Variants in MAGI2 observed in about 807,000 individuals in gnomAD.
MAGI2 encodes the protein membrane-associated guanylate kinase, WW and PDZ domain-containing protein 2.
Under a neutral mutation model 133.3 loss-of-function variants are expected in MAGI2, and 35 were observed. The ratio of observed to expected loss-of-function variants is 0.26; its 90% CI spans 0.20 to 0.35. MAGI2 has a LOEUF of 0.35. Among genes scored for constraint, MAGI2 ranks in the 10% least tolerant of loss-of-function variants. The pLI, the probability that MAGI2 is intolerant of heterozygous loss-of-function variation, is 1.00. For synonymous variants in MAGI2, 729 were observed against 710.6 expected (o/e 1.03, Z -0.41); for missense variants, 1,636 against 1,863.4 (o/e 0.88, Z 2.25).
intron 1 of MAGI2, among the ~76,000 whole-genome samples, chr7:79,376,693 G>A (rs558736268): frequency 2.0e-3 from 299 of 151,926 alleles, no homozygotes; most frequent in Middle Eastern, 0.01. Flanking sequence ...AGTACAGCCC[G>A]AAATTTTAAA....
At chr7:78,646,996 G>A (rs1257353382) in intron 2 of MAGI2, among the ~76,000 whole-genome samples, 1 of 152,156 alleles carries the variant, frequency 6.6e-6, no homozygotes, top group Non-Finnish European at 1.5e-5. Context: ...GCCTTGGTGG[G>A]TGGGTGACAG....
chr7:78,658,359 G>C (rs1812535549), intron 2 of MAGI2, among the ~76,000 whole-genome samples: 2 of 152,180 alleles, frequency 1.3e-5, no homozygotes, highest in Admixed American at 1.3e-4. Flanking sequence ...GGACTTAAAT[G>C]TAAAATGTAA....
At chr7:78,912,636 C>A (rs1160866484) in intron 2 of MAGI2, among the ~76,000 whole-genome samples, 1 of 151,750 alleles carries the variant, frequency 6.6e-6, no homozygotes, top group Admixed American at 6.6e-5. Context: ...TGAAACCAGA[C>A]TTTCCTTGCT....
At chr7:78,864,967 G>T (rs573192498) in intron 2 of MAGI2, among the ~76,000 whole-genome samples, 1 of 152,096 alleles carries the variant, frequency 6.6e-6, no homozygotes, top group Non-Finnish European at 1.5e-5. Flanking sequence ...CCAGGAACGC[G>T]CAACTAGTTC....
intron 3 of MAGI2, among the ~76,000 whole-genome samples, chr7:78,553,432 G>T (rs905051171): frequency 6.6e-6 from 1 of 152,214 alleles, no homozygotes; most frequent in African/African-American, 2.4e-5. Context: ...TAAGGTAAAT[G>T]TAACTGTCCT....
intron 3 of MAGI2, among the ~76,000 whole-genome samples, chr7:78,606,222 A>C (rs1246940019): frequency 2.0e-5 from 3 of 152,122 alleles, no homozygotes; most frequent in African/African-American, 7.2e-5. Flanking sequence ...TTTTTTTAAA[A>C]GGTCAATCCA....
chr7:78,044,418 G>A (rs1001165564), intron 21 of MAGI2, among the ~76,000 whole-genome samples: 3 of 152,246 alleles, frequency 2.0e-5, no homozygotes, highest in South Asian at 4.1e-4. Context: ...CACCCACGAT[G>A]GCATTAACAC....
At chr7:78,894,325 C>A (rs1283493068) in intron 2 of MAGI2, among the ~76,000 whole-genome samples, 1 of 152,146 alleles carries the variant, frequency 6.6e-6, no homozygotes, top group African/African-American at 2.4e-5. Context: ...TGGCGTGAAC[C>A]CGGGTGGCAG....
intron 13 of MAGI2, among the ~76,000 whole-genome samples, chr7:78,180,778 A>G (rs903568308): frequency 6.6e-6 from 1 of 152,148 alleles, no homozygotes; most frequent in African/African-American, 2.4e-5. Context: ...GACCCCTTAG[A>G]GAAGAATGCT....
chr7:79,078,352 A>G (rs945907998), intron 1 of MAGI2, among the ~76,000 whole-genome samples: 2 of 152,196 alleles, frequency 1.3e-5, no homozygotes, highest in Non-Finnish European at 2.9e-5. Context: ...GTTAGGAAGA[A>G]AAAATGGAAA....
At chr7:78,610,511 T>C (rs901181666) in intron 3 of MAGI2, among the ~76,000 whole-genome samples, 1 of 152,224 alleles carries the variant, frequency 6.6e-6, no homozygotes, top group African/African-American at 2.4e-5. Flanking sequence ...ACATGAGTCC[T>C]GGGGAGATGT....
chr7:79,414,544 A>G (rs1413727061), intron 1 of MAGI2: 1 of 152,108 alleles, frequency 6.6e-6, no homozygotes, highest in Non-Finnish European at 1.5e-5. Flanking sequence ...GAAACCTTCC[A>G]GCCATTTTGC....
At chr7:79,445,262 CTTCATGT>C (rs1453859309) in intron 1 of MAGI2, among the ~76,000 whole-genome samples, 15 of 152,144 alleles carry the variant, frequency 9.9e-5, no homozygotes, top group African/African-American at 3.4e-4. Context: ...GGGGCAAGGA[CTTCATGT>C]CTAAAACACC....
At chr7:78,129,078 T>C (rs562550080) in intron 18 of MAGI2, among the ~76,000 whole-genome samples, 30 of 152,318 alleles carry the variant, frequency 2.0e-4, no homozygotes, top group African/African-American at 7.2e-4. Flanking sequence ...ATTTCCATGA[T>C]CTGTATGGTA....
intron 20 of MAGI2, among the ~76,000 whole-genome samples, chr7:78,091,072 G>GTGTT (rs1310584443): frequency 6.6e-6 from 1 of 151,196 alleles, no homozygotes; most frequent in Admixed American, 6.6e-5. Flanking sequence ...GTGTGTGTGT[G>GTGTT]TGTGTGATAA....
chr7:79,303,047 A>C (rs1405963227), intron 1 of MAGI2, among the ~76,000 whole-genome samples: 3 of 152,316 alleles, frequency 2.0e-5, no homozygotes, highest in African/African-American at 7.2e-5. Context: ...TAAATCCCAA[A>C]CTTAGCAAAG....
intron 1 of MAGI2, chr7:79,012,281 C>T (rs1182461960): frequency 6.6e-6 from 1 of 152,094 alleles, no homozygotes; most frequent in African/African-American, 2.4e-5. Context: ...ATAAGAATGC[C>T]TTCCCTTTGC....
chr7:78,767,332 C>A (rs1301607573), intron 2 of MAGI2, among the ~76,000 whole-genome samples: 1 of 150,688 alleles, frequency 6.6e-6, no homozygotes, highest in Non-Finnish European at 1.5e-5. Flanking sequence ...CTAATGCAGT[C>A]AAAAAGGCAA....
At chr7:78,250,880 C>T (rs1321248348) in intron 10 of MAGI2, among the ~76,000 whole-genome samples, 1 of 152,042 alleles carries the variant, frequency 6.6e-6, no homozygotes, top group Non-Finnish European at 1.5e-5. Context: ...CTTTCCTACT[C>T]ATTTTATGAA....
Sources: allele counts gnomAD v4.1 joint callset (sites outside exome capture counted in the v4.1 genomes callset), GRCh38; gene constraint gnomAD v4.1.1; transcripts MANE v1.5; gene names NCBI Gene and HGNC (gene_info 2026-07-23, HGNC 2026-07-21).